The following TXLNB variants were observed in gnomAD, a reference collection of about 807,000 sequenced individuals.
TXLNB encodes taxilin beta.
Under a neutral mutation model 57.4 loss-of-function variants are expected in TXLNB, and 37 were observed. The ratio of observed to expected loss-of-function variants is 0.64; its 90% CI spans 0.50 to 0.85. The LOEUF is 0.85. Among genes scored for constraint, TXLNB ranks in the 40% least tolerant of loss-of-function variants. The pLI, the probability that TXLNB is intolerant of heterozygous loss-of-function variation, is 0.00. For synonymous variants in TXLNB, 302 were observed against 309.6 expected (o/e 0.98, Z 0.26); for missense variants, 848 against 825.6 (o/e 1.03, Z -0.33).
intron 7 of TXLNB, among the ~76,000 whole-genome samples, chr6:139,252,935 T>A (rs1323400458): frequency 6.6e-6 from 1 of 152,158 alleles, no homozygotes; most frequent in African/African-American, 2.4e-5. Flanking sequence ...GAGCTTGCAG[T>A]GAGCTGACAT....
chr6:139,242,859 G>A lies in TXLNB; in HGVS notation c.1722C>T (p.Pro574=). 6.2e-7 allele frequency: 1 copy of A among 1,614,170 alleles called. No individual in the cohort carries two copies. The highest frequency in any genetic ancestry group is 1.1e-5 in the South Asian group (1 of 91,072). Residue 574 remains proline, a synonymous_variant, in exon 10 of 10, where the codon CCC becomes CCT. Coordinates refer to ENST00000358430, the MANE Select transcript of TXLNB (RefSeq NM_153235.4). Reference sequence around the variant, plus strand: ...CGGCAGGAGAATTACTGGCCTTGGAGGGAGGTTCAGCATCACTGCCTCCTT... The same window carrying A: ...CGGCAGGAGAATTACTGGCCTTGGAAGGAGGTTCAGCATCACTGCCTCCTT... ...EAEGGSDAEP[P]SKASNSPAGL...
At chr6:139,163,959 A>G in the TXLNB span, among the ~76,000 whole-genome samples, 2 of 151,992 alleles carry the variant, frequency 1.3e-5, no homozygotes, top group Non-Finnish European at 2.9e-5. Context: ...GCACTTCTAA[A>G]TCAGTGGGTC....
the TXLNB span, among the ~76,000 whole-genome samples, chr6:139,302,320 GA>G: frequency 0.47 from 58,046 of 124,358 alleles, 12,457 homozygotes; most frequent in African/African-American, 0.62. Flanking sequence ...AGAGAGAGGA[GA>G]AAAAAAAAAA....
At chr6:139,230,340 A>G in the TXLNB span, among the ~76,000 whole-genome samples, 118,617 of 152,246 alleles carry the variant, frequency 0.78, 46,301 homozygotes, top group East Asian at 0.83. Flanking sequence ...GTCCTGGTTT[A>G]CTACCTTCTG....
At chr6:139,278,849 A>G (rs1776970969) in intron 2 of TXLNB, among the ~76,000 whole-genome samples, 2 of 152,146 alleles carry the variant, frequency 1.3e-5, no homozygotes, top group Non-Finnish European at 2.9e-5. Context: ...ACTAAAATAC[A>G]AAAACTTAGC....
At chr6:139,233,372 T>C in the TXLNB span, among the ~76,000 whole-genome samples, 1 of 2,788 alleles carries the variant, frequency 3.6e-4, no homozygotes, top group African/African-American at 1.1e-3. Flanking sequence ...TTTATATAAA[T>C]TTATATATAT....
the TXLNB span, among the ~76,000 whole-genome samples, chr6:139,218,987 G>C: frequency 2.0e-5 from 3 of 152,218 alleles, no homozygotes; most frequent in African/African-American, 7.2e-5. Context: ...ACTGGTATAG[G>C]TTCGTTATCT....
the TXLNB span, among the ~76,000 whole-genome samples, chr6:139,319,665 G>A: frequency 6.6e-6 from 1 of 152,104 alleles, no homozygotes; most frequent in Non-Finnish European, 1.5e-5. Flanking sequence ...TTGGGAGGCT[G>A]AGGCAGGAGG....
chr6:139,260,566 T>A, intron 5 of TXLNB, 129 bp from the exon 6 acceptor site: 1 of 978,770 alleles, frequency 1.0e-6, no homozygotes, highest in Non-Finnish European at 1.5e-6. Flanking sequence ...GATAAATGCA[T>A]TGGCATCACT....
chr6:139,161,178 A>G, the TXLNB span, among the ~76,000 whole-genome samples: 1 of 152,088 alleles, frequency 6.6e-6, no homozygotes, highest in African/African-American at 2.4e-5. Flanking sequence ...TCCTCTGACT[A>G]TTCCCGAGGT....
chr6:139,177,064 G>T, the TXLNB span: 1 of 864,272 alleles, frequency 1.2e-6, no homozygotes, highest in African/African-American at 1.6e-5. This position sits in a 1 kb window ranked among gnomAD's most constrained non-coding sequence, Gnocchi z 4.9. Flanking sequence ...CTACCACTTC[G>T]TGAAGCCATT....
chr6:139,224,844 A>T, the TXLNB span, among the ~76,000 whole-genome samples: 1 of 152,194 alleles, frequency 6.6e-6, no homozygotes, highest in South Asian at 2.1e-4. Context: ...CAAGATAGAA[A>T]AGTAAGGCAT....
At chr6:139,254,803 T>C (rs1582998814) in intron 7 of TXLNB, among the ~76,000 whole-genome samples, 1 of 152,144 alleles carries the variant, frequency 6.6e-6, no homozygotes, top group African/African-American at 2.4e-5. Context: ...GAGTGGTGAC[T>C]ATTTTTCTCA....
At chr6:139,255,267 T>C (rs1776306471) in intron 7 of TXLNB, 1 of 408,934 alleles carries the variant, frequency 2.4e-6, no homozygotes. Context: ...TAAGAAGTGC[T>C]AGATGGGAAC....
chr6:139,185,650 G>A, the TXLNB span, among the ~76,000 whole-genome samples: 4,088 of 152,202 alleles, frequency 0.027, 183 homozygotes, highest in African/African-American at 0.092. Context: ...GCAGTGAGCC[G>A]AGATCGCACC....
intron 7 of TXLNB, among the ~76,000 whole-genome samples, chr6:139,254,340 T>TGTGTG (rs1554224138): frequency 6.6e-6 from 1 of 152,006 alleles, no homozygotes; most frequent in Non-Finnish European, 1.5e-5. Context: ...TGTGTGTGTG[T>TGTGTG]TTACAGTGAA....
At chr6:139,294,809 GT>G, upstream of TXLNB, among the ~76,000 whole-genome samples, 1 of 152,270 alleles carries the variant, frequency 6.6e-6, no homozygotes, top group East Asian at 1.9e-4. Context: ...GGCCATCATG[GT>G]GAAACTCCAT....
chr6:139,208,995 A>G, the TXLNB span, among the ~76,000 whole-genome samples: 1 of 152,236 alleles, frequency 6.6e-6, no homozygotes, highest in South Asian at 2.1e-4. Flanking sequence ...AGAGGAAGTC[A>G]AAATGTAGGT....
chr6:139,187,825 C>G, the TXLNB span, among the ~76,000 whole-genome samples: 3 of 152,206 alleles, frequency 2.0e-5, no homozygotes, highest in African/African-American at 7.2e-5. Flanking sequence ...ACTGCTCAAG[C>G]TCGTTTAAAT....
Sources: gnomAD v4.1 joint callset for allele counts (sites outside exome capture counted in the v4.1 genomes callset) on GRCh38, gnomAD v4.1.1 for gene constraint, Gnocchi (gnomAD v3.1) non-coding constraint, MANE v1.5 for transcripts, NCBI Gene and HGNC (gene_info 2026-07-23, HGNC 2026-07-21) for gene names.